Variants in SNAP25 observed in about 807,000 individuals in gnomAD.
SNAP25 encodes the protein synaptosomal-associated protein 25.
In SNAP25, 3 loss-of-function variants were observed where a neutral mutation model predicts 28.7. The ratio of observed to expected loss-of-function variants is 0.10; its 90% confidence interval spans 0.05 to 0.27. The LOEUF (loss-of-function observed/expected upper bound fraction) is 0.27, where lower values mean the gene tolerates loss of function less well. Among genes scored for constraint, SNAP25 ranks in the 10% least tolerant of loss-of-function variants. The probability of loss-of-function intolerance (pLI) is 1.00; values close to 1 mark genes in which losing one functional copy is unlikely to be tolerated. For missense variants in SNAP25, 117 were observed against 278.7 expected (o/e 0.42, Z 4.13); for synonymous variants, 61 against 88.1 (o/e 0.69, Z 1.72).
At chr20:10,248,057 G>C (rs2063159916) in intron 1 of SNAP25, among the ~76,000 whole-genome samples, 1 of 152,188 alleles carries the variant, frequency 6.6e-6, no homozygotes, top group South Asian at 2.1e-4. Context: ...CCTAATGGTT[G>C]CATGGATACA....
chr20:10,238,796 T>A (rs1163261416), intron 1 of SNAP25, among the ~76,000 whole-genome samples: 1 of 151,978 alleles, frequency 6.6e-6, no homozygotes, highest in African/African-American at 2.4e-5. Flanking sequence ...TCTCAGCTAC[T>A]CAGGAGGCTG....
chr20:10,298,363 A>G (rs1264031669), intron 6 of SNAP25, among the ~76,000 whole-genome samples: 1 of 152,194 alleles, frequency 6.6e-6, no homozygotes, highest in Non-Finnish European at 1.5e-5. Context: ...GCTGCTTTTG[A>G]AACCATAATG....
intron 1 of SNAP25, among the ~76,000 whole-genome samples, chr20:10,230,070 C>T (rs1484610550): frequency 6.6e-6 from 1 of 152,096 alleles, no homozygotes; most frequent in East Asian, 1.9e-4. Context: ...CCCTTCTCTC[C>T]TTTTCCCACC....
chr20:10,237,528 C>A (rs1212684580), intron 1 of SNAP25, among the ~76,000 whole-genome samples: 1 of 152,174 alleles, frequency 6.6e-6, no homozygotes, highest in Non-Finnish European at 1.5e-5. Context: ...ACCAGACACC[C>A]CAAGTATCAC....
chr20:10,290,820 C>T (rs6133847), intron 4 of SNAP25, among the ~76,000 whole-genome samples: 1 of 152,274 alleles, frequency 6.6e-6, no homozygotes, highest in Non-Finnish European at 1.5e-5. Flanking sequence ...CATCTCAAGC[C>T]TGCATTCCCA....
chr20:10,222,363 C>A (rs1180606339), intron 1 of SNAP25, among the ~76,000 whole-genome samples: 1 of 152,198 alleles, frequency 6.6e-6, no homozygotes, highest in Non-Finnish European at 1.5e-5. Flanking sequence ...CTGGAACAAT[C>A]TGAGAGAAGA....
intron 1 of SNAP25, among the ~76,000 whole-genome samples, chr20:10,249,848 T>C (rs1222187023): frequency 9.2e-5 from 14 of 152,126 alleles, no homozygotes; most frequent in Admixed American, 1.3e-4. Context: ...CAGCTAACCC[T>C]CTGGAAAGTT....
At chr20:10,291,645 G>GT (rs1411964727) in intron 4 of SNAP25, among the ~76,000 whole-genome samples, 2 of 152,120 alleles carry the variant, frequency 1.3e-5, no homozygotes, top group East Asian at 3.9e-4. Context: ...ATGTATCTTA[G>GT]TTTTTTTGGA....
At chr20:10,266,075 CAACT>C (rs1332238979) in intron 1 of SNAP25, among the ~76,000 whole-genome samples, 1 of 152,120 alleles carries the variant, frequency 6.6e-6, no homozygotes, top group African/African-American at 2.4e-5. Flanking sequence ...AGTGTTTTGA[CAACT>C]AACAGTTGTG....
intron 1 of SNAP25, among the ~76,000 whole-genome samples, chr20:10,225,042 T>C (rs375547402): frequency 7.2e-5 from 11 of 152,188 alleles, no homozygotes; most frequent in African/African-American, 2.6e-4. Context: ...ATGATACTGA[T>C]AGCCAGCTCA....
intron 6 of SNAP25, among the ~76,000 whole-genome samples, chr20:10,298,818 T>C (rs2064168431): frequency 1.3e-5 from 2 of 152,194 alleles, no homozygotes; most frequent in Admixed American, 1.3e-4. Flanking sequence ...AAGCTTTTTA[T>C]TGTATTCTTA....
At chr20:10,295,425 T>C (rs920371049) in intron 5 of SNAP25, among the ~76,000 whole-genome samples, 2 of 152,182 alleles carry the variant, frequency 1.3e-5, no homozygotes, top group African/African-American at 4.8e-5. Context: ...AAAGCCAGAC[T>C]CTAAGCCCTA....
intron 4 of SNAP25, among the ~76,000 whole-genome samples, chr20:10,291,710 T>C (rs1017297743): frequency 6.6e-6 from 1 of 152,230 alleles, no homozygotes; most frequent in African/African-American, 2.4e-5. Context: ...TGATAATGTA[T>C]GCCCTTAGGC....
At chr20:10,258,608 C>T (rs2063360416) in intron 1 of SNAP25, among the ~76,000 whole-genome samples, 1 of 152,150 alleles carries the variant, frequency 6.6e-6, no homozygotes. Context: ...AATGCAAGCG[C>T]CTTTTAAATC....
chr20:10,296,033 C>T (rs1733474251), intron 5 of SNAP25, among the ~76,000 whole-genome samples: 1 of 152,206 alleles, frequency 6.6e-6, no homozygotes, highest in Admixed American at 6.5e-5. Flanking sequence ...TTCAAATCCT[C>T]ATGAAGGCTA....
At chr20:10,226,797 A>G (rs1379321717) in intron 1 of SNAP25, among the ~76,000 whole-genome samples, 1 of 152,104 alleles carries the variant, frequency 6.6e-6, no homozygotes, top group Non-Finnish European at 1.5e-5. Context: ...CTTTGTGTGA[A>G]CTTGTCTCTA....
In SNAP25 at chr20:10,220,885, G is replaced by A. The variant is rs533892640; in HGVS notation, c.-64+1908G>A. 7.9e-5 allele frequency among the ~76,000 whole-genome samples: 12 copies of A among 152,180 alleles called. No homozygotes were observed. The East Asian group carries it at 2.1e-3, about 27-fold the overall frequency. ...CCATATACAGAAGGTAATTTCATTC[G>A]CTGCTATTTAATTATTTCCTAGTGT... On this transcript the variant is annotated intron_variant, in intron 1 of 7. Coordinates refer to ENST00000254976, the MANE Select transcript of SNAP25 (RefSeq NM_130811.4).
At chr20:10,277,031 T>C (rs990474055) in intron 2 of SNAP25, among the ~76,000 whole-genome samples, 2 of 152,320 alleles carry the variant, frequency 1.3e-5, no homozygotes, top group African/African-American at 4.8e-5. Flanking sequence ...GGTTGTTGGA[T>C]TCTAGTCGTT....
chr20:10,260,930 C>T (rs1188258683), intron 1 of SNAP25, among the ~76,000 whole-genome samples: 1 of 152,134 alleles, frequency 6.6e-6, no homozygotes, highest in East Asian at 1.9e-4. Context: ...ATGTGAGCTC[C>T]TGATATAACT....
Sources: allele counts gnomAD v4.1 joint callset (sites outside exome capture counted in the v4.1 genomes callset), GRCh38; gene constraint gnomAD v4.1.1; transcripts MANE v1.5; gene names NCBI Gene and HGNC (gene_info 2026-07-23, HGNC 2026-07-21).